The following PCDHA2 variants were observed in gnomAD, a reference collection of about 807,000 sequenced individuals.
PCDHA2 encodes protocadherin alpha-2.
Under a neutral mutation model 66.0 loss-of-function variants are expected in PCDHA2, and 58 were observed. That is an observed-to-expected ratio of 0.88 (90% confidence interval 0.71 to 1.09). PCDHA2 has a LOEUF of 1.09. Ranked by LOEUF, PCDHA2 falls within the 50% of genes least tolerant of loss-of-function variation. PCDHA2 has a pLI of 0.00. For missense variants in PCDHA2, 1,267 were observed against 1,242.3 expected, an observed-to-expected ratio of 1.02 and a Z score of -0.30; for synonymous variants, 634 against 554.0, an observed-to-expected ratio of 1.14 and a Z score of -2.03.
chr5:140,853,310 T>C lies in PCDHA2; in HGVS notation c.2388+55958T>C, dbSNP rs2042704013. On this transcript the variant is annotated intron_variant, in intron 1 of 3. Coordinates refer to ENST00000526136, the MANE Select transcript of PCDHA2 (RefSeq NM_018905.3). ...ATTCTCAGAAGGGCTGTGAACACCT[T>C]AGTAATAAATTTATCTTTTGAGGTC... The C allele has an allele frequency of 3.0e-6, 3 of 983,796 alleles. 1 individual carries two copies. The highest frequency in any genetic ancestry group is 3.7e-6 in the Non-Finnish European group (3 of 816,256). 60.9% of individuals were successfully genotyped at this position (983,796 alleles called of 1,614,324 possible). A position where few individuals can be genotyped will look rare whatever the true frequency, so the allele number is the denominator to read the frequency against.
At chr5:140,817,217 C>T (rs1766091196) in intron 1 of PCDHA2, 1 of 152,288 alleles carries the variant, frequency 6.6e-6, no homozygotes, top group Admixed American at 6.5e-5. Flanking sequence ...TTTACTTTCT[C>T]TTTCCCTTCT....
chr5:140,886,097 A>C (rs1341108712), intron 1 of PCDHA2, among the ~76,000 whole-genome samples: 1 of 152,214 alleles, frequency 6.6e-6, no homozygotes, highest in Admixed American at 6.5e-5. Context: ...ATTGACATTG[A>C]TACAGTAAAG....
rs781892034 is a variant in PCDHA2, at chr5:140,968,314, G to A, written c.2389-10635G>A. ...TTCTGGAGAGGGAGATTCAAGGGCT[G>A]CCAGTCACCTCCTATGTCTCCATTA... On this transcript the variant is annotated intron_variant, in intron 1 of 3. Transcript: ENST00000526136. The A allele has an allele frequency of 2.5e-6, 4 of 1,613,960 alleles. No individual in the cohort carries two copies. The South Asian group carries it at 4.4e-5, about 18-fold the overall frequency.
intron 3 of PCDHA2, among the ~76,000 whole-genome samples, chr5:140,985,238 A>G (rs2097143387): frequency 1.3e-5 from 2 of 152,120 alleles, no homozygotes; most frequent in Non-Finnish European, 2.9e-5. Context: ...CGCCTGGCCT[A>G]ATCTTCTTAC....
chr5:140,837,159 G>C (rs2150273625), intron 1 of PCDHA2: 152,415 of 152,748 alleles, frequency 1, 76,046 homozygotes, highest in East Asian at 1. Flanking sequence ...ATAAAATATA[G>C]CTGTGTCAAA....
intron 1 of PCDHA2, among the ~76,000 whole-genome samples, chr5:140,972,656 C>T (rs1428322208): frequency 6.9e-6 from 1 of 144,688 alleles, no homozygotes; most frequent in Non-Finnish European, 1.5e-5. Context: ...TAAAAAGAAA[C>T]CAAATTTTTT....
chr5:140,806,864 T>G, intron 1 of PCDHA2: 1 of 356,754 alleles, frequency 2.8e-6, no homozygotes, highest in Non-Finnish European at 5.1e-6. Flanking sequence ...TGGTACAATG[T>G]GTACCACAGT....
chr5:140,999,139 C>T lies in PCDHA2; in HGVS notation c.2537-10488C>T, dbSNP rs185453971. 2.6e-3 allele frequency among the ~76,000 whole-genome samples: 401 copies of T among 152,236 alleles called. 3 individuals carry two copies. The highest frequency in any genetic ancestry group is 5.8e-3 in the South Asian group (28 of 4,818). On this transcript the variant is annotated intron_variant, in intron 3 of 3. Coordinates refer to ENST00000526136, the MANE Select transcript of PCDHA2 (RefSeq NM_018905.3). ...TTTCTAAGCTGGAAAATGTCACAGCCGGAAGTCTTCAGTCCCCTAGAAGGA... is the reference window on the plus strand; with the variant it reads ...TTTCTAAGCTGGAAAATGTCACAGCTGGAAGTCTTCAGTCCCCTAGAAGGA...
chr5:140,977,122 AG>A (rs2096747423), intron 1 of PCDHA2, among the ~76,000 whole-genome samples: 1 of 152,226 alleles, frequency 6.6e-6, no homozygotes, highest in South Asian at 2.1e-4. Flanking sequence ...TAATGAACTG[AG>A]TTTCCTGGTC....
chr5:140,990,148 A>T (rs1236453414), intron 3 of PCDHA2, among the ~76,000 whole-genome samples: 1 of 152,146 alleles, frequency 6.6e-6, no homozygotes, highest in African/African-American at 2.4e-5. Flanking sequence ...AGGCATAATA[A>T]TAGAAAGTTA....
Position 141,000,418 on chromosome 5 carries a change from TA to T in PCDHA2, c.2537-9208del, listed in dbSNP as rs1328416600. 5.1e-3 allele frequency among the ~76,000 whole-genome samples: 429 copies of T among 83,548 alleles called. 3 individuals carry two copies. The highest frequency in any genetic ancestry group is 6.3e-3 in the Non-Finnish European group (284 of 45,190). 54.8% of individuals were successfully genotyped at this position (83,548 alleles called of 152,430 possible). A position where few individuals can be genotyped will look rare whatever the true frequency, so the allele number is the denominator to read the frequency against. ...CTCTATATATATATATATATATATA[TA>T]TATTTTTTTTTTTTTTTTTTTTTTT... On this transcript the variant is annotated intron_variant, in intron 3 of 3. Transcript: ENST00000526136.
chr5:140,895,070 C>G (rs2064827781), intron 1 of PCDHA2, among the ~76,000 whole-genome samples: 1 of 152,106 alleles, frequency 6.6e-6, no homozygotes, highest in African/African-American at 2.4e-5. Context: ...GACTCAATTC[C>G]TATCAGTTCC....
chr5:140,858,219 C>A (rs1554151292), intron 1 of PCDHA2: 2 of 1,595,768 alleles, frequency 1.3e-6, no homozygotes, highest in Non-Finnish European at 8.6e-7. Flanking sequence ...TGCTCGGCGG[C>A]GCCCACCGAG....
intron 1 of PCDHA2, chr5:140,967,445 C>T (rs782571799): frequency 3.1e-6 from 5 of 1,613,550 alleles, no homozygotes; most frequent in Non-Finnish European, 4.2e-6. Flanking sequence ...CCACCTGGTT[C>T]TCACAGCCGT....
intron 1 of PCDHA2, chr5:140,850,292 C>A: frequency 6.3e-7 from 1 of 1,596,038 alleles, no homozygotes; most frequent in Non-Finnish European, 8.6e-7. Flanking sequence ...CAGTGGACGC[C>A]GACTCGGGCT....
At chr5:140,969,513 A>G (rs2096339726) in intron 1 of PCDHA2, 1 of 1,417,106 alleles carries the variant, frequency 7.1e-7, no homozygotes, top group Non-Finnish European at 9.4e-7. Context: ...ATAGCACTAA[A>G]GAATTGTTTT....
rs2150468826 is a variant in PCDHA2, at chr5:140,850,123, C to G, written c.2388+52771C>G. ...GTGAGCGCGCGCGACGCGGGCGTGCCGCCTCTGGGCAGCAACGTGACGCTG... is the reference window on the plus strand; with the variant it reads ...GTGAGCGCGCGCGACGCGGGCGTGCGGCCTCTGGGCAGCAACGTGACGCTG... On this transcript the variant is annotated intron_variant, in intron 1 of 3. Coordinates refer to ENST00000526136, the MANE Select transcript of PCDHA2 (RefSeq NM_018905.3). The G allele has an allele frequency of 1.3e-5, 21 of 1,595,804 alleles. 4 individuals carry two copies. The highest frequency in any genetic ancestry group is 2.7e-5 in the African/African-American group (2 of 74,358).
At position 140,857,142 on chromosome 5, in the gene PCDHA2, G is replaced by A. The variant is rs782455438; in HGVS notation, c.2388+59790G>A. On this transcript the variant is annotated intron_variant, in intron 1 of 3. Transcript: ENST00000526136. ...CCAGTGAAAGAAGATGCTCAAGTGGGCACCGTCATTGCCCTAATCAGCGTT... is the reference window on the plus strand; with the variant it reads ...CCAGTGAAAGAAGATGCTCAAGTGGACACCGTCATTGCCCTAATCAGCGTT... 4 of 1,598,268 alleles carry A rather than the reference G, an allele frequency of 2.5e-6. No homozygotes were observed. The highest frequency in any genetic ancestry group is 3.4e-5 in the Admixed American group (2 of 59,268).
chr5:140,993,891 C>G (rs2097585722), intron 3 of PCDHA2, among the ~76,000 whole-genome samples: 1 of 152,096 alleles, frequency 6.6e-6, no homozygotes. Flanking sequence ...CTATGATGTC[C>G]ATACAACAAA....
Sources: gnomAD v4.1 joint callset for allele counts (sites outside exome capture counted in the v4.1 genomes callset) on GRCh38, gnomAD v4.1.1 for gene constraint, MANE v1.5 for transcripts, NCBI Gene and HGNC (gene_info 2026-07-23, HGNC 2026-07-21) for gene names.